The following BNC2 variants were observed in gnomAD, a reference collection of about 807,000 sequenced individuals.
BNC2 encodes the protein basonuclin zinc finger protein 2.
In BNC2, 20 loss-of-function variants were observed where a neutral mutation model predicts 76.3. That is an observed-to-expected ratio of 0.26 (90% CI 0.18 to 0.38). BNC2 has a LOEUF of 0.38. Among genes scored for constraint, BNC2 ranks in the 10% least tolerant of loss-of-function variants. The probability of loss-of-function intolerance (pLI) is 1.00; values close to 1 mark genes in which losing one functional copy is unlikely to be tolerated. For missense variants in BNC2, 1,382 were observed against 1,399.8 expected (o/e 0.99, Z 0.20); for synonymous variants, 582 against 514.8 (o/e 1.13, Z -1.77).
intron 1 of BNC2, among the ~76,000 whole-genome samples, chr9:16,831,872 A>G (rs1176630097): frequency 6.6e-6 from 1 of 152,204 alleles, no homozygotes; most frequent in East Asian, 1.9e-4. Flanking sequence ...CACTGAGCAA[A>G]TAATGGCAAT....
chr9:16,523,791 T>C (rs1817703597), intron 5 of BNC2, among the ~76,000 whole-genome samples: 1 of 151,940 alleles, frequency 6.6e-6, no homozygotes, highest in African/African-American at 2.4e-5. Flanking sequence ...CCAGGCATGG[T>C]GGCAGACGCC....
chr9:16,800,022 C>A (rs533949705), intron 1 of BNC2, among the ~76,000 whole-genome samples: 156 of 152,006 alleles, frequency 1.0e-3, no homozygotes, highest in Non-Finnish European at 1.9e-3. Flanking sequence ...ATCAGGAGTT[C>A]GAGACCAGCC....
intron 1 of BNC2, among the ~76,000 whole-genome samples, chr9:16,803,194 G>A (rs1817824953): frequency 6.6e-6 from 1 of 152,150 alleles, no homozygotes; most frequent in African/African-American, 2.4e-5. Flanking sequence ...ACCACTCCTT[G>A]GCTCAATTGT....
At chr9:16,472,554 G>C (rs1402319914) in intron 5 of BNC2, among the ~76,000 whole-genome samples, 5 of 152,158 alleles carry the variant, frequency 3.3e-5, no homozygotes, top group Non-Finnish European at 7.3e-5. Context: ...ACTCCTTCCA[G>C]ACTGGCTCGC....
chr9:16,507,717 G>A (rs1822661970), intron 5 of BNC2, among the ~76,000 whole-genome samples: 1 of 152,120 alleles, frequency 6.6e-6, no homozygotes, highest in Admixed American at 6.5e-5. Context: ...GCGAGCCACC[G>A]CGCCTGGCCT....
intron 3 of BNC2, among the ~76,000 whole-genome samples, chr9:16,662,956 A>G (rs920299780): frequency 5.9e-5 from 9 of 152,160 alleles, no homozygotes; most frequent in Admixed American, 3.3e-4. Context: ...CAATAGAAAA[A>G]GGAAAGCTTA....
intron 3 of BNC2, among the ~76,000 whole-genome samples, chr9:16,708,935 C>T (rs1428754976): frequency 6.6e-6 from 1 of 152,122 alleles, no homozygotes; most frequent in Non-Finnish European, 1.5e-5. Flanking sequence ...AAGTATTTCA[C>T]ATTAAGAGGG....
At chr9:16,525,103 C>T (rs891632079) in intron 5 of BNC2, among the ~76,000 whole-genome samples, 3 of 151,480 alleles carry the variant, frequency 2.0e-5, no homozygotes, top group Non-Finnish European at 4.4e-5. Flanking sequence ...TTGAAATTCA[C>T]TGAATACAAT....
chr9:16,482,635 C>T (rs1822082380), intron 5 of BNC2, among the ~76,000 whole-genome samples: 5 of 151,774 alleles, frequency 3.3e-5, no homozygotes, highest in African/African-American at 1.2e-4. Context: ...CTTTCCAACC[C>T]CACAGCCGGC....
rs73645994 is a variant in BNC2, at chr9:16,529,672, A to G, written c.669+22858T>C. 9.4e-4 allele frequency among the ~76,000 whole-genome samples: 143 copies of G among 152,238 alleles called. 1 individual carries two copies. The highest frequency in any genetic ancestry group is 3.2e-3 in the African/African-American group (131 of 41,550). ...AGTGGAATAAAATTTTATAAATAAT[A>G]AAAATATTAAGTCATAATTTTTGAG... is the stretch of plus-strand genomic sequence containing the variant. On this transcript the variant is annotated intron_variant, in intron 5 of 6. Transcript: ENST00000380672.
At chr9:16,706,706 T>C (rs1823684842) in intron 3 of BNC2, among the ~76,000 whole-genome samples, 1 of 152,178 alleles carries the variant, frequency 6.6e-6, no homozygotes, top group Admixed American at 6.5e-5. Context: ...CCTTGAAAAG[T>C]CATTCTAATC....
intron 6 of BNC2, among the ~76,000 whole-genome samples, chr9:16,424,191 A>T (rs895624316): frequency 2.6e-5 from 4 of 152,102 alleles, no homozygotes; most frequent in Non-Finnish European, 5.9e-5. Context: ...ATAAAACTAA[A>T]AACAAAAACA....
chr9:16,420,940 C>A (rs75593740), intron 6 of BNC2, among the ~76,000 whole-genome samples: 18,700 of 152,088 alleles, frequency 0.12, 1,542 homozygotes, highest in African/African-American at 0.23. Flanking sequence ...TCTACAGATA[C>A]ATAAAAGCTT....
intron 4 of BNC2, among the ~76,000 whole-genome samples, chr9:16,572,482 T>C (rs1435588291): frequency 6.6e-6 from 1 of 152,164 alleles, no homozygotes. Context: ...CAATAAACCT[T>C]TGTTCCATGC....
At chr9:16,523,798 C>T (rs1182969824) in intron 5 of BNC2, among the ~76,000 whole-genome samples, 2 of 151,848 alleles carry the variant, frequency 1.3e-5, no homozygotes, top group East Asian at 1.9e-4. Context: ...TGGTGGCAGA[C>T]GCCTGTAATC....
chr9:16,550,465 T>C (rs1818624759), intron 5 of BNC2, among the ~76,000 whole-genome samples: 1 of 152,172 alleles, frequency 6.6e-6, no homozygotes, highest in Admixed American at 6.5e-5. Flanking sequence ...AAAACTAACA[T>C]CTAAATAATT....
chr9:16,708,042 T>C (rs1344629415), intron 3 of BNC2, among the ~76,000 whole-genome samples: 3 of 152,190 alleles, frequency 2.0e-5, no homozygotes, highest in Non-Finnish European at 4.4e-5. Context: ...AAAACTATTT[T>C]CTATGAAATT....
intron 1 of BNC2, among the ~76,000 whole-genome samples, chr9:16,823,908 C>T (rs1033208186): frequency 1.3e-5 from 2 of 152,158 alleles, no homozygotes; most frequent in Non-Finnish European, 2.9e-5. Context: ...CAGCTCCTAT[C>T]AAATTATATT....
At chr9:16,700,215 A>G (rs1223667926) in intron 3 of BNC2, among the ~76,000 whole-genome samples, 1 of 152,190 alleles carries the variant, frequency 6.6e-6, no homozygotes, top group Non-Finnish European at 1.5e-5. Context: ...AAATTACTTC[A>G]TTGCTATGGA....
Sources: allele counts gnomAD v4.1 joint callset (sites outside exome capture counted in the v4.1 genomes callset), GRCh38; gene constraint gnomAD v4.1.1; transcripts MANE v1.5; gene names NCBI Gene and HGNC (gene_info 2026-07-23, HGNC 2026-07-21).